The following ATXN2L variants were observed in gnomAD, a reference collection of about 807,000 sequenced individuals.
The protein encoded by ATXN2L is ataxin-2-like protein.
A neutral mutation model predicts 120.7 loss-of-function variants in ATXN2L; 24 were observed. That is an observed-to-expected ratio of 0.20 (90% CI 0.14 to 0.28). The LOEUF is 0.28. ATXN2L is among the 10% of genes least tolerant of loss of function. ATXN2L has a pLI of 1.00. For missense variants in ATXN2L, 1,312 were observed against 1,432.3 expected (o/e 0.92, Z 1.36); for synonymous variants, 653 against 568.1 (o/e 1.15, Z -2.13).
chr16:28,829,766 A>G, intron 7 of ATXN2L, 92 bp from the exon 8 acceptor site: 2 of 1,349,356 alleles, frequency 1.5e-6, no homozygotes, highest in Non-Finnish European at 2.1e-6. Flanking sequence ...TCCATGCCTG[A>G]ACTGGTGATT....
Position 28,835,764 on chromosome 16 carries a change from A to C in ATXN2L, c.2895+6A>C. The C allele has an allele frequency of 6.2e-7, 1 of 1,613,992 alleles. No homozygotes were observed. Among genetic ancestry groups the C allele is most frequent in the South Asian group, 1.1e-5 (1 of 91,088 alleles). ...ACATGGCCCATGTTACCCAGGTAAG[A>C]GCCCAGCTGTCCCACTTCTGGGTCT... On this transcript the variant is annotated splice_donor_region_variant and intron_variant, in intron 21 of 21. Transcript: ENST00000336783.
chr16:28,826,084 A>C, intron 4 of ATXN2L, 156 bp from the exon 5 acceptor site: 1 of 934,358 alleles, frequency 1.1e-6, no homozygotes, highest in Non-Finnish European at 1.6e-6. Flanking sequence ...TTGAGAAAAC[A>C]ATGCACTTGG....
chr16:28,835,449 C>T (rs1226810960), intron 20 of ATXN2L, 50 bp downstream of exon 20: 1 of 1,611,556 alleles, frequency 6.2e-7, no homozygotes, highest in Non-Finnish European at 8.5e-7. Context: ...AATGGGTGGC[C>T]AGAAGAAGGG....
At chr16:28,832,617 G>C in intron 12 of ATXN2L, 50 bp downstream of exon 12, 1 of 1,579,866 alleles carries the variant, frequency 6.3e-7, no homozygotes, top group Non-Finnish European at 8.7e-7. Flanking sequence ...TTGTCTGGGG[G>C]AGAGTATTTC....
In ATXN2L at chr16:28,836,425, C is replaced by T; in HGVS notation, c.*160C>T. The T allele has an allele frequency of 1.9e-6, 3 of 1,613,338 alleles. No homozygotes were observed. Among genetic ancestry groups the T allele is most frequent in the Non-Finnish European group, 2.5e-6 (3 of 1,179,934 alleles). On this transcript the variant is annotated 3_prime_UTR_variant, in exon 22 of 22. Coordinates refer to ENST00000336783, the MANE Select transcript of ATXN2L (RefSeq NM_007245.4). Reference sequence around the variant, plus strand: ...TCCTCGCTCAGTTGTGATCCAGCAGCCCCCCTCCCCACTGCCTCCCCAGCT... The same window carrying T: ...TCCTCGCTCAGTTGTGATCCAGCAGTCCCCCTCCCCACTGCCTCCCCAGCT...
chr16:28,826,055 C>A (rs1190443151), intron 4 of ATXN2L, 185 bp from the exon 5 acceptor site: 2 of 832,878 alleles, frequency 2.4e-6, no homozygotes, highest in African/African-American at 1.7e-5. Flanking sequence ...GAGACTTTTG[C>A]TAAGTCCTGT....
In ATXN2L at chr16:28,826,385, C is replaced by T; in HGVS notation, c.611C>T (p.Thr204Ile). 1 of 1,614,128 alleles carries T rather than the reference C, an allele frequency of 6.2e-7. No individual in the cohort carries two copies. The highest frequency in any genetic ancestry group is 8.5e-7 in the Non-Finnish European group (1 of 1,179,998). Reference sequence around the variant, plus strand: ...CGAAATGTTGACTTCAACTATGCTACTAAAGGTATTGTCCTAGGCTGTTAC... The same window carrying T: ...CGAAATGTTGACTTCAACTATGCTATTAAAGGTATTGTCCTAGGCTGTTAC... ...HFRNVDFNYA[T>I]KDKFTDSAIA... is the part of the protein sequence containing the mutation. The change falls in exon 5 of 22, where the codon ACT becomes ATT. Residue 204 changes from threonine to isoleucine, a missense_variant. Thr to Ile is a moderately conservative substitution (Grantham distance 89). Coordinates refer to ENST00000336783, the MANE Select transcript of ATXN2L (RefSeq NM_007245.4).
intron 18 of ATXN2L, 78 bp from the exon 19 acceptor site, chr16:28,834,980 C>T (rs1959700275): frequency 1.3e-6 from 2 of 1,542,200 alleles, no homozygotes; most frequent in African/African-American, 1.4e-5. Context: ...CCAAGCGGTG[C>T]TGTGCACGCA....
intron 11 of ATXN2L, 37 bp from the exon 12 acceptor site, chr16:28,832,459 C>T (rs1463322518): frequency 3.7e-6 from 6 of 1,612,414 alleles, no homozygotes. Flanking sequence ...TGGTTCTGGA[C>T]AGAAGGACCT....
At position 28,826,481 on chromosome 16, in the gene ATXN2L, GGTTTGTTTTTTTGTTTTT is replaced by G. The variant is rs1047403984; in HGVS notation, c.616+100_616+117del. 9 of 1,435,040 alleles carry G rather than the reference GGTTTGTTTTTTTGTTTTT, an allele frequency of 6.3e-6. No homozygotes were observed. The African/African-American group carries it at 1.3e-4, about 20-fold the overall frequency. 88.9% of individuals were successfully genotyped at this position (1,435,040 alleles called of 1,614,324 possible). A position where few individuals can be genotyped will look rare whatever the true frequency, so the allele number is the denominator to read the frequency against. ...GCAGGTGGAACATGGTGATGTGTTT[GGTTTGTTTTTTTGTTTTT>G]GTTTGTTTGTTTTGCTTTAATGCCT... On this transcript the variant is annotated intron_variant, in intron 5 of 21. Transcript: ENST00000336783.
chr16:28,825,934 G>T lies in ATXN2L; in HGVS notation c.465+93G>T, dbSNP rs926293101. ...AAGGTGTCAATTGGGTGATGTCAGA[G>T]TATGCCTTTAGTTGTTTCTGTAGGC... is the stretch of plus-strand genomic sequence containing the variant. On this transcript the variant is annotated intron_variant, in intron 4 of 21. Transcript: ENST00000336783. 114 of 1,251,336 alleles carry T rather than the reference G, an allele frequency of 9.1e-5. No homozygotes were observed. In the African/African-American group the frequency reaches 1.6e-3, roughly 17 times the overall value. 77.5% of individuals were successfully genotyped at this position (1,251,336 alleles called of 1,614,324 possible).
At chr16:28,828,927 G>C (rs934921098) in intron 6 of ATXN2L, among the ~76,000 whole-genome samples, 2 of 152,002 alleles carry the variant, frequency 1.3e-5, no homozygotes, top group African/African-American at 2.4e-5. Context: ...ATTTTTAGTA[G>C]AGACGGGGTT....
At position 28,830,809 on chromosome 16, in the gene ATXN2L, T is replaced by A. The variant is rs1438776434; in HGVS notation, c.1210+19T>A. ...AATGGAGGTGAGTTATGAGGTGACT[T>A]TGAGGAAGAGGGCAGGGAAGGGGAT... On this transcript the variant is annotated intron_variant, in intron 9 of 21. Transcript: ENST00000336783. 1 of 1,575,642 alleles carries A rather than the reference T, an allele frequency of 6.3e-7. No homozygotes were observed. The highest frequency in any genetic ancestry group is 8.6e-7 in the Non-Finnish European group (1 of 1,161,718).
At chr16:28,827,519 A>G (rs1237214471) in intron 6 of ATXN2L, among the ~76,000 whole-genome samples, 7 of 152,130 alleles carry the variant, frequency 4.6e-5, no homozygotes, top group Admixed American at 2.0e-4. Flanking sequence ...CATAACAAAA[A>G]GTATAGATTA....
intron 3 of ATXN2L, 36 bp downstream of exon 3, chr16:28,825,716 A>T: frequency 6.2e-7 from 1 of 1,613,406 alleles, no homozygotes; most frequent in Non-Finnish European, 8.5e-7. Flanking sequence ...TGTTTAAGGA[A>T]CGTAATGCAT....
rs1020762829 is a variant in ATXN2L, at chr16:28,836,599, C to G, written c.*334C>G. The G allele has an allele frequency of 1.5e-5, 24 of 1,579,468 alleles. No individual in the cohort carries two copies. In the African/African-American group the frequency reaches 2.7e-4, roughly 18 times the overall value. On this transcript the variant is annotated 3_prime_UTR_variant, in exon 22 of 22. Coordinates refer to ENST00000336783, the MANE Select transcript of ATXN2L (RefSeq NM_007245.4). ...GCGATTGACCTGTGCTTCTGACAGCCCCCGAGACACCTTGAGGAGGCCGCT... is the reference window on the plus strand; with the variant it reads ...GCGATTGACCTGTGCTTCTGACAGCGCCCGAGACACCTTGAGGAGGCCGCT...
In ATXN2L at chr16:28,835,162, G is replaced by A. The variant is rs1959864806; in HGVS notation, c.2538G>A (p.Glu846=). 1 of 1,613,206 alleles carries A rather than the reference G, an allele frequency of 6.2e-7. No homozygotes were observed. Among genetic ancestry groups the A allele is most frequent in the Non-Finnish European group, 8.5e-7 (1 of 1,179,514 alleles). Residue 846 remains glutamate (E), a synonymous_variant, in exon 19 of 22, where the codon GAG becomes GAA. Transcript: ENST00000336783. ...CTACCCCTCAGTACCCTTCTGCAGA[G>A]CAGCCTACCCCCCAAGCCCTTTATG... ...SSSTPQYPSA[E]QPTPQALYAT...
In ATXN2L at chr16:28,825,644, C is replaced by G; in HGVS notation, c.357C>G (p.Asn119Lys). ...GACAGGTGTTTGAAGGCGTCTACAA[C>G]AATTCCAGAATGCTGCATTTCCTTA... ...PQSPVFEGVY[N>K]NSRMLHFLTA... is the part of the protein sequence containing the mutation. The change falls in exon 3 of 22, where the codon AAC (asparagine) becomes AAG (lysine). Residue 119 changes from asparagine to lysine, a missense_variant. Physicochemically the swap from Asn to Lys is moderately conservative, Grantham distance 94. Transcript: ENST00000336783. 6.2e-7 allele frequency: 1 copy of G among 1,614,204 alleles called. No homozygotes were observed. Among genetic ancestry groups the G allele is most frequent in the Non-Finnish European group, 8.5e-7 (1 of 1,180,018 alleles).
At position 28,837,017 on chromosome 16, in the gene ATXN2L, T is replaced by G; in HGVS notation, c.*752T>G. ...GTCCCCACCCAGTCTTGCCCTCCCATCCTCTCATCTATTCCCCCGCTGGAG... is the reference window on the plus strand; with the variant it reads ...GTCCCCACCCAGTCTTGCCCTCCCAGCCTCTCATCTATTCCCCCGCTGGAG... On this transcript the variant is annotated 3_prime_UTR_variant, in exon 22 of 22. Coordinates refer to ENST00000336783, the MANE Select transcript of ATXN2L (RefSeq NM_007245.4). 1 of 668,070 alleles carries G rather than the reference T, an allele frequency of 1.5e-6. No individual in the cohort carries two copies. Among genetic ancestry groups the G allele is most frequent in the South Asian group, 1.5e-5 (1 of 65,208 alleles). The allele number at this position is 668,070 out of a possible 1,614,324, so 41.4% of individuals were successfully genotyped here.
Sources: allele counts gnomAD v4.1 joint callset (sites outside exome capture counted in the v4.1 genomes callset), GRCh38; gene constraint gnomAD v4.1.1; transcripts MANE v1.5; gene names NCBI Gene and HGNC (gene_info 2026-07-23, HGNC 2026-07-21).